The following ARB2A variants were observed in gnomAD, a reference collection of about 807,000 sequenced individuals.
ARB2A encodes the protein ARB2 cotranscriptional regulator A.
chr5:93,618,315 C>A, the ARB2A span: 1 of 152,040 alleles, frequency 6.6e-6, no homozygotes, highest in Admixed American at 6.5e-5. Context: ...AATAATCTGG[C>A]CTTTAAGTTT....
chr5:93,921,314 T>C, the ARB2A span, among the ~76,000 whole-genome samples: 1 of 152,106 alleles, frequency 6.6e-6, no homozygotes, highest in Non-Finnish European at 1.5e-5. Context: ...GACATACCTA[T>C]AGATTCTTAT....
the ARB2A span, chr5:93,736,389 C>A: frequency 3.3e-5 from 5 of 152,164 alleles, no homozygotes; most frequent in African/African-American, 1.2e-4. Flanking sequence ...TTAATATTTA[C>A]TTGACTTTTG....
chr5:93,672,899 T>C, the ARB2A span, among the ~76,000 whole-genome samples: 1 of 152,228 alleles, frequency 6.6e-6, no homozygotes, highest in Non-Finnish European at 1.5e-5. Context: ...TGTCTAACCA[T>C]GGATGTTATC....
chr5:93,942,764 A>C, the ARB2A span, among the ~76,000 whole-genome samples: 1 of 152,062 alleles, frequency 6.6e-6, no homozygotes, highest in Non-Finnish European at 1.5e-5. Flanking sequence ...ACTGAAAATG[A>C]AATCTAAAAG....
chr5:93,713,966 G>C, the ARB2A span, among the ~76,000 whole-genome samples: 1 of 152,168 alleles, frequency 6.6e-6, no homozygotes, highest in Non-Finnish European at 1.5e-5. Context: ...TCAGCCCTCA[G>C]GGGCCAATAG....
the ARB2A span, among the ~76,000 whole-genome samples, chr5:93,705,005 TTCC>T: frequency 6.6e-6 from 1 of 152,206 alleles, no homozygotes; most frequent in African/African-American, 2.4e-5. Flanking sequence ...GATGCCTGCT[TTCC>T]TCACAGGACT....
chr5:94,060,416 C>T, the ARB2A span, among the ~76,000 whole-genome samples: 6 of 152,032 alleles, frequency 3.9e-5, no homozygotes, highest in South Asian at 2.1e-4. Flanking sequence ...ACAAATTAGA[C>T]GAAATGGTCC....
At chr5:93,812,835 A>G in the ARB2A span, among the ~76,000 whole-genome samples, 1 of 152,206 alleles carries the variant, frequency 6.6e-6, no homozygotes, top group African/African-American at 2.4e-5. Context: ...AAGCTTCTTC[A>G]TGAGAAAAAT....
At chr5:93,870,802 T>C in the ARB2A span, among the ~76,000 whole-genome samples, 3 of 152,234 alleles carry the variant, frequency 2.0e-5, no homozygotes, top group African/African-American at 7.2e-5. Flanking sequence ...TTTACCTCTG[T>C]TAAATCTCAA....
At chr5:93,702,214 C>T in the ARB2A span, among the ~76,000 whole-genome samples, 650 of 152,244 alleles carry the variant, frequency 4.3e-3, 2 homozygotes, top group Admixed American at 6.8e-3. Context: ...GAAGATATGT[C>T]CCTTAAAGGA....
the ARB2A span, among the ~76,000 whole-genome samples, chr5:93,757,095 A>C: frequency 1.3e-5 from 2 of 152,218 alleles, no homozygotes; most frequent in African/African-American, 4.8e-5. Flanking sequence ...GGAAAGTCTC[A>C]GCGATAGAAT....
At chr5:93,969,018 C>CTTTTTTTTT in the ARB2A span, among the ~76,000 whole-genome samples, 1 of 113,220 alleles carries the variant, frequency 8.8e-6, no homozygotes. Context: ...GAATTTTTTT[C>CTTTTTTTTT]TTTTTTTTTT....
the ARB2A span, among the ~76,000 whole-genome samples, chr5:93,933,648 G>A: frequency 4.9e-4 from 75 of 152,100 alleles, no homozygotes; most frequent in East Asian, 0.011. Context: ...ACTGGGTCCC[G>A]TTAGGGGGTG....
At chr5:93,732,128 C>T in the ARB2A span, among the ~76,000 whole-genome samples, 161 of 152,246 alleles carry the variant, frequency 1.1e-3, 1 homozygote, top group Middle Eastern at 0.017. Context: ...CCAAAGCTTC[C>T]TGTCATGTTT....
At chr5:93,722,803 G>A in the ARB2A span, among the ~76,000 whole-genome samples, 3 of 151,958 alleles carry the variant, frequency 2.0e-5, no homozygotes, top group Non-Finnish European at 2.9e-5. Context: ...AAAAGCCACC[G>A]GTGGGCAATT....
chr5:94,109,565 G>GA, the ARB2A span, among the ~76,000 whole-genome samples: 15 of 152,182 alleles, frequency 9.9e-5, no homozygotes, highest in South Asian at 6.2e-4. Context: ...TGGGAAAGCT[G>GA]AAAAAAATAA....
the ARB2A span, among the ~76,000 whole-genome samples, chr5:93,765,984 T>C: frequency 1.3e-5 from 2 of 152,136 alleles, no homozygotes; most frequent in East Asian, 1.9e-4. Flanking sequence ...TGGCTAGCCA[T>C]ATGTAGAAAG....
At chr5:93,687,005 T>G in the ARB2A span, among the ~76,000 whole-genome samples, 3 of 151,910 alleles carry the variant, frequency 2.0e-5, no homozygotes, top group Non-Finnish European at 4.4e-5. Context: ...GAAAAAAACC[T>G]TAACAAACTC....
At chr5:93,701,256 T>C in the ARB2A span, among the ~76,000 whole-genome samples, 5 of 152,214 alleles carry the variant, frequency 3.3e-5, no homozygotes, top group African/African-American at 9.6e-5. Context: ...GCTATTCAAA[T>C]GAGCTTCAGC....
Sources: gnomAD v4.1 joint callset for allele counts (sites outside exome capture counted in the v4.1 genomes callset) on GRCh38, gnomAD v4.1.1 for gene constraint, MANE v1.5 for transcripts, NCBI Gene and HGNC (gene_info 2026-07-23, HGNC 2026-07-21) for gene names.